The following FREM3 variants were observed in gnomAD, a reference collection of about 807,000 sequenced individuals.
FREM3 encodes FRAS1-related extracellular matrix protein 3.
Under a neutral mutation model 129.1 loss-of-function variants are expected in FREM3, and 105 were observed. The ratio of observed to expected loss-of-function variants is 0.81; its 90% CI spans 0.69 to 0.96. The LOEUF (loss-of-function observed/expected upper bound fraction) is 0.96. Among genes scored for constraint, FREM3 ranks in the 40% least tolerant of loss-of-function variants. FREM3 has a pLI of 0.00. For synonymous variants in FREM3, 1,014 were observed against 1,044.9 expected (o/e 0.97, Z 0.57); for missense variants, 2,593 against 2,666.3 (o/e 0.97, Z 0.61).
intron 2 of FREM3, among the ~76,000 whole-genome samples, chr4:143,685,396 G>A (rs1451742073): frequency 6.6e-6 from 1 of 152,136 alleles, no homozygotes; most frequent in Non-Finnish European, 1.5e-5. Context: ...TCCAGCAAAA[G>A]TAAGCATCAT....
intron 6 of FREM3, among the ~76,000 whole-genome samples, chr4:143,606,536 T>TAAAAG (rs1393801326): frequency 1.3e-5 from 2 of 152,044 alleles, no homozygotes; most frequent in African/African-American, 4.8e-5. Context: ...TTAGTAACTT[T>TAAAAG]AAAAGGAAGA....
chr4:143,673,270 G>A (rs151248133), intron 2 of FREM3, among the ~76,000 whole-genome samples: 2,576 of 152,292 alleles, frequency 0.017, 71 homozygotes, highest in African/African-American at 0.057. Flanking sequence ...ACGGGGTTTT[G>A]GTGTGGATGT....
Position 143,577,633 on chromosome 4 carries a change from C to T in FREM3, c.6398G>A (p.Ser2133Asn). The T allele has an allele frequency of 6.5e-7, 1 of 1,537,316 alleles. No homozygotes were observed. The highest frequency in any genetic ancestry group is 1.7e-4 in the Middle Eastern group (1 of 5,992). ...CTTTCAATCAAAGGAACTACAAGCA[C>T]TCTGCTTACAGTCCGTGATGGTGTC... The part of the protein sequence containing the change: ...IEDTITDCKQ[S>N]ACSSFD The change falls in exon 8 of 8, where the codon AGT becomes AAT. Residue 2133 changes from serine to asparagine, a missense_variant. By Grantham distance (46) the Ser-to-Asn change is conservative. Around this residue, in one of 2 missense-constraint regions of FREM3, gnomAD observed 317 missense variants for 399.0 expected, o/e 0.79. Coordinates refer to ENST00000329798, the MANE Select transcript of FREM3 (RefSeq NM_001168235.2).
At chr4:143,689,851 G>T (rs959934047) in intron 2 of FREM3, among the ~76,000 whole-genome samples, 32 of 144,848 alleles carry the variant, frequency 2.2e-4, no homozygotes, top group African/African-American at 7.6e-4. Context: ...AAAGGCATAA[G>T]AATGACACAA....
intron 5 of FREM3, among the ~76,000 whole-genome samples, chr4:143,612,808 A>C (rs1738785204): frequency 6.6e-6 from 1 of 152,210 alleles, no homozygotes; most frequent in Admixed American, 6.5e-5. Flanking sequence ...TGAAATAATA[A>C]CCTATTATAC....
At position 143,611,507 on chromosome 4, in the gene FREM3, A is replaced by C. The variant is rs1272063399; in HGVS notation, c.5800T>G (p.Ser1934Ala). The change falls in exon 6 of 8, where the codon TCT (serine) becomes GCT (alanine). Residue 1934 changes from serine to alanine, a missense_variant. Coordinates refer to ENST00000329798, the MANE Select transcript of FREM3 (RefSeq NM_001168235.2). ...TRQGSATGTI[S>A]STVLFSDYIS... ...TAATCAGAGAATAACACTGTGGAAGAAATCGTGCCTGTGGCAGAACCTACA... is the reference window on the plus strand; with the variant it reads ...TAATCAGAGAATAACACTGTGGAAGCAATCGTGCCTGTGGCAGAACCTACA... 1.1e-5 allele frequency: 17 copies of C among 1,536,940 alleles called. No individual in the cohort carries two copies. The highest frequency in any genetic ancestry group is 2.0e-5 in the Admixed American group (1 of 50,978).
intron 2 of FREM3, among the ~76,000 whole-genome samples, chr4:143,674,621 A>G (rs1156742751): frequency 1.3e-5 from 2 of 152,230 alleles, no homozygotes; most frequent in South Asian, 2.1e-4. Context: ...GTCACGACCC[A>G]TCAGTGTGCT....
chr4:143,610,286 GC>G (rs770947594), intron 6 of FREM3, among the ~76,000 whole-genome samples: 4 of 152,114 alleles, frequency 2.6e-5, no homozygotes, highest in Non-Finnish European at 5.9e-5. Flanking sequence ...ACAGAAGACC[GC>G]CTTTAATCTC....
At chr4:143,670,200 A>G (rs1436928474) in intron 2 of FREM3, among the ~76,000 whole-genome samples, 2 of 152,208 alleles carry the variant, frequency 1.3e-5, no homozygotes, top group Non-Finnish European at 2.9e-5. Context: ...CTAGCACAAT[A>G]CCTGGGACAA....
At chr4:143,617,736 C>T (rs1384812639) in intron 5 of FREM3, among the ~76,000 whole-genome samples, 1 of 152,102 alleles carries the variant, frequency 6.6e-6, no homozygotes, top group Admixed American at 6.5e-5. Flanking sequence ...TGAGGTACTC[C>T]TTGAGGCCTT....
rs1021342061 is a variant in FREM3, at chr4:143,585,625, G to A, written c.6178+219C>T. ...ATTAATGTGAGCCCATGACAAGCCA[G>A]TGGGTAATAAATGAATCATAAAGGC... On this transcript the variant is annotated intron_variant, in intron 7 of 7. Coordinates refer to ENST00000329798, the MANE Select transcript of FREM3 (RefSeq NM_001168235.2). The surrounding 1 kb of genome is among the most constrained non-coding windows in gnomAD (Gnocchi z 4.2). 2.6e-5 allele frequency among the ~76,000 whole-genome samples: 4 copies of A among 152,182 alleles called. No homozygotes were observed. The highest frequency in any genetic ancestry group is 9.7e-5 in the African/African-American group (4 of 41,432).
At position 143,698,988 on chromosome 4, in the gene FREM3, G is replaced by A. The variant is rs1344574192; in HGVS notation, c.1688C>T (p.Ser563Phe). The change falls in exon 1 of 8, where the codon TCT (serine) becomes TTT (phenylalanine). Residue 563 changes from serine to phenylalanine, a missense_variant. Physicochemically the swap from Ser to Phe is radical, Grantham distance 155 (BLOSUM62 -2). Around this residue, in one of 2 missense-constraint regions of FREM3, gnomAD observed 2,276 missense variants for 2,267.2 expected, o/e 1.00. Coordinates refer to ENST00000329798, the MANE Select transcript of FREM3 (RefSeq NM_001168235.2). ...ATCAGTAGCACTCAGTACAAAGGGA[G>A]AGATCTGGACCACCTGCCCTTCAGT... ...SLTEGQVVQI[S>F]PFVLSATDID... The A allele has an allele frequency of 5.9e-6, 9 of 1,537,300 alleles. No homozygotes were observed. The highest frequency in any genetic ancestry group is 7.0e-6 in the Non-Finnish European group (8 of 1,146,918).
chr4:143,636,549 T>C (rs921847588), intron 2 of FREM3, among the ~76,000 whole-genome samples: 5 of 152,036 alleles, frequency 3.3e-5, no homozygotes, highest in Non-Finnish European at 7.4e-5. Context: ...TTTTAACTTA[T>C]CAAAATGTGA....
intron 2 of FREM3, among the ~76,000 whole-genome samples, chr4:143,664,223 CT>C (rs1208581642): frequency 6.6e-6 from 1 of 152,006 alleles, no homozygotes; most frequent in Non-Finnish European, 1.5e-5. Flanking sequence ...GTTTTATCTA[CT>C]TTTGGTCATT....
chr4:143,676,893 G>A (rs1740143895), intron 2 of FREM3, among the ~76,000 whole-genome samples: 1 of 152,024 alleles, frequency 6.6e-6, no homozygotes, highest in African/African-American at 2.4e-5. Context: ...AAATAAAAGA[G>A]GATACAAACA....
rs865979904 is a variant in FREM3 at position 143,695,360 on chromosome 4, G to A, written c.5185+131C>T. The A allele has an allele frequency of 2.0e-4, 152 of 746,350 alleles. No individual in the cohort carries two copies. In the Middle Eastern group the frequency reaches 6.7e-3, roughly 33 times the overall value. The allele number at this position is 746,350 out of a possible 1,614,324, so 46.2% of individuals were successfully genotyped here. On this transcript the variant is annotated intron_variant, in intron 1 of 7. Transcript: ENST00000329798. The stretch of plus-strand genomic sequence containing the variant: ...TTTTTTGTTTTTGGAATAGTTTCAC[G>A]CTTCACTGTATTTTATTAGAACAAG...
At chr4:143,590,938 G>T (rs1336378796) in intron 6 of FREM3, among the ~76,000 whole-genome samples, 1 of 152,162 alleles carries the variant, frequency 6.6e-6, no homozygotes, top group East Asian at 1.9e-4. Context: ...TCTATTCAGA[G>T]ATTCAACTTC....
At chr4:143,608,232 A>G (rs17017951) in intron 6 of FREM3, among the ~76,000 whole-genome samples, 7,237 of 152,228 alleles carry the variant, frequency 0.048, 461 homozygotes, top group African/African-American at 0.15. Context: ...TATTCAGCCT[A>G]CGTTAATGAC....
In FREM3 at chr4:143,696,376, T is replaced by A. The variant is rs1364218494; in HGVS notation, c.4300A>T (p.Ile1434Phe). The part of the protein sequence containing the change: ...SVFPEVISKR[I>F]TLIEGARVTL... ...ACTCTGGCACCTTCTATCAAGGTGA[T>A]CCTTTTGCTGATTACCTCAGGGAAG... The change falls in exon 1 of 8, where the codon ATC becomes TTC. Residue 1434 changes from isoleucine to phenylalanine, a missense_variant. Around this residue, in one of 2 missense-constraint regions of FREM3, gnomAD observed 2,276 missense variants for 2,267.2 expected, o/e 1.00. Coordinates refer to ENST00000329798, the MANE Select transcript of FREM3 (RefSeq NM_001168235.2). 6.5e-7 allele frequency: 1 copy of A among 1,537,324 alleles called. No homozygotes were observed. Among genetic ancestry groups the A allele is most frequent in the Non-Finnish European group, 8.7e-7 (1 of 1,146,962 alleles).
Sources: gnomAD v4.1 joint callset for allele counts (sites outside exome capture counted in the v4.1 genomes callset) on GRCh38, gnomAD v4.1.1 for gene constraint, gnomAD v4.1.1 regional missense constraint, Gnocchi (gnomAD v3.1) non-coding constraint, MANE v1.5 for transcripts, NCBI Gene and HGNC (gene_info 2026-07-23, HGNC 2026-07-21) for gene names.